ABCA13: variants seen among roughly 807,000 people sequenced by gnomAD.
ABCA13 encodes the protein ATP binding cassette subfamily A member 13, also known as ATP-binding cassette sub-family A member 13.
A neutral mutation model predicts 478.7 loss-of-function variants in ABCA13; 476 were observed. That is an observed-to-expected ratio of 0.99 (90% CI 0.92 to 1.07). The LOEUF is 1.07. Among genes scored for constraint, ABCA13 ranks in the 50% least tolerant of loss-of-function variants. ABCA13 has a pLI of 0.00. For missense variants in ABCA13, 6,060 were observed against 5,910.6 expected (o/e 1.03, Z -0.83); for synonymous variants, 2,252 against 2,158.9 (o/e 1.04, Z -1.20).
intron 55 of ABCA13, among the ~76,000 whole-genome samples, chr7:48,541,453 G>T (rs1585748712): frequency 6.6e-6 from 1 of 152,046 alleles, no homozygotes; most frequent in Non-Finnish European, 1.5e-5. Context: ...ATTAAGTTAG[G>T]GGCTTTACAT....
Position 48,276,520 on chromosome 7 carries a change from C to T in ABCA13, c.6854C>T (p.Ser2285Phe), listed in dbSNP as rs750314582. 11 of 1,610,992 alleles carry T rather than the reference C, an allele frequency of 6.8e-6. 1 individual carries two copies. The South Asian group carries it at 1.1e-4, about 16-fold the overall frequency. The change falls in exon 17 of 62, where the codon TCT becomes TTT. Residue 2285 changes from serine to phenylalanine, a missense_variant. By Grantham distance (155) the Ser-to-Phe change is radical. Transcript: ENST00000435803. ...AAGGAAGATTCTGAGAACAAAATAT[C>T]TCTTCTGCTGAAATATTTCCACAAA... ...FLKEDSENKI[S>F]LLLKYFHKDV... is the part of the protein sequence containing the mutation.
intron 48 of ABCA13, among the ~76,000 whole-genome samples, chr7:48,504,068 C>A (rs1830988836): frequency 6.6e-6 from 1 of 151,918 alleles, no homozygotes; most frequent in African/African-American, 2.4e-5. Flanking sequence ...TAATTGAAAA[C>A]CAAGGAAATT....
Position 48,338,384 on chromosome 7 carries a change from T to G in ABCA13, c.10133T>G (p.Phe3378Cys). The G allele has an allele frequency of 1.3e-6, 2 of 1,598,896 alleles. No homozygotes were observed. The highest frequency in any genetic ancestry group is 1.7e-6 in the Non-Finnish European group (2 of 1,172,524). Residue 3378 changes from phenylalanine to cysteine, a missense_variant, in exon 29 of 62, where the codon TTT (phenylalanine) becomes TGT (cysteine). Physicochemically the swap from Phe to Cys is radical, Grantham distance 205. Coordinates refer to ENST00000435803, the MANE Select transcript of ABCA13 (RefSeq NM_152701.5). The stretch of plus-strand genomic sequence containing the variant: ...CTTTAGGAGGCCCTGAGAAACAAAT[T>G]TGTAAGAAACTTTGTAGAAAACCAG... ...NQLQEALRNK[F>C]VRNFVENQLH...
At chr7:48,434,491 G>A (rs115168545) in intron 42 of ABCA13, among the ~76,000 whole-genome samples, 2,610 of 151,544 alleles carry the variant, frequency 0.017, 85 homozygotes, top group African/African-American at 0.059. Context: ...AGTTTTTCTT[G>A]TACTAAAGTT....
intron 44 of ABCA13, among the ~76,000 whole-genome samples, chr7:48,467,339 A>G (rs1449210667): frequency 6.6e-6 from 1 of 152,200 alleles, no homozygotes; most frequent in African/African-American, 2.4e-5. Flanking sequence ...ATAAAACCCA[A>G]AGCTGAAAAG....
chr7:48,509,464 C>T (rs1293917317), intron 50 of ABCA13, among the ~76,000 whole-genome samples: 1 of 152,172 alleles, frequency 6.6e-6, no homozygotes, highest in African/African-American at 2.4e-5. Flanking sequence ...TTCTAGGACA[C>T]CATGGGGCTT....
chr7:48,454,820 C>G (rs78361797), intron 42 of ABCA13, among the ~76,000 whole-genome samples: 2 of 152,196 alleles, frequency 1.3e-5, no homozygotes, highest in Non-Finnish European at 2.9e-5. Context: ...CGCGTTGCCA[C>G]GAGGCTTCCT....
Position 48,274,497 on chromosome 7 carries a change from G to A in ABCA13, c.4831G>A (p.Asp1611Asn), listed in dbSNP as rs1390447628. Residue 1611 changes from aspartate (D) to asparagine (N), a missense_variant, in exon 17 of 62, where the codon GAC (aspartate) becomes AAC (asparagine). Physicochemically the swap from Asp to Asn is conservative, Grantham distance 23. Around this residue, in one of 3 missense-constraint regions of ABCA13, gnomAD observed 4,423 missense variants for 4,309.1 expected, o/e 1.03. Transcript: ENST00000435803. ...ASYLAFSLSH[D>N]LQNSPKIIIS... is the part of the protein sequence containing the mutation. The stretch of plus-strand genomic sequence containing the variant: ...TTACCTTGCCTTCAGCTTATCTCAT[G>A]ACCTCCAAAATTCACCAAAAATAAT... The A allele has an allele frequency of 1.9e-6, 3 of 1,613,668 alleles. No individual in the cohort carries two copies. The highest frequency in any genetic ancestry group is 2.5e-6 in the Non-Finnish European group (3 of 1,179,834).
In ABCA13 at chr7:48,269,050, AT is replaced by A. The variant is rs1301350280; in HGVS notation, c.2081del (p.Leu694Ter). 1 of 1,601,654 alleles carries A rather than the reference AT, an allele frequency of 6.2e-7. No homozygotes were observed. Among genetic ancestry groups the A allele is most frequent in the Admixed American group, 1.7e-5 (1 of 59,850 alleles). ...AAATGATCAGTGATAATTATTTTCAATTTTTGAATAACTTACTCAAGTCTCC... is the reference window on the plus strand; with the variant it reads ...AAATGATCAGTGATAATTATTTTCAATTTTGAATAACTTACTCAAGTCTCC... Reference protein sequence around the residue: ...WKMISDNYFQFLNNLLKSPTA... With the variant: ...WKMISDNYFQXLNNLLKSPTA... On this transcript the variant is annotated frameshift_variant, in exon 16 of 62. Transcript: ENST00000435803. LOFTEE classifies it high-confidence loss of function.
At chr7:48,635,503 G>A (rs1162029171) in intron 59 of ABCA13, among the ~76,000 whole-genome samples, 2 of 152,150 alleles carry the variant, frequency 1.3e-5, no homozygotes, top group African/African-American at 4.8e-5. Flanking sequence ...AAGAACAAGG[G>A]GGACCCCAAT....
chr7:48,498,635 G>T (rs1830477093), intron 48 of ABCA13, among the ~76,000 whole-genome samples: 1 of 152,088 alleles, frequency 6.6e-6, no homozygotes, highest in Non-Finnish European at 1.5e-5. Flanking sequence ...ATGGAATATG[G>T]AAAGAAAAGG....
At chr7:48,592,685 C>T (rs1205988960) in intron 57 of ABCA13, among the ~76,000 whole-genome samples, 2 of 151,854 alleles carry the variant, frequency 1.3e-5, no homozygotes, top group African/African-American at 4.8e-5. Context: ...TTGAACTCCC[C>T]TATTATTATT....
intron 29 of ABCA13, among the ~76,000 whole-genome samples, chr7:48,344,538 T>C (rs777184671): frequency 1.3e-5 from 2 of 152,228 alleles, no homozygotes; most frequent in African/African-American, 2.4e-5. Context: ...TTTTATACTA[T>C]GTTGTTTTAT....
intron 15 of ABCA13, among the ~76,000 whole-genome samples, chr7:48,257,239 T>C (rs1302391908): frequency 1.3e-5 from 2 of 152,120 alleles, no homozygotes; most frequent in Non-Finnish European, 2.9e-5. Flanking sequence ...CAAACAAGGA[T>C]AAAACTATCC....
chr7:48,352,083 C>T (rs1355972616), intron 30 of ABCA13, 98 bp from the exon 31 acceptor site: 96 of 1,245,712 alleles, frequency 7.7e-5, no homozygotes, highest in Non-Finnish European at 4.0e-5. Flanking sequence ...CTGTGAGTCT[C>T]AGGCTCCTGC....
At chr7:48,462,626 A>G (rs1267676903) in intron 43 of ABCA13, among the ~76,000 whole-genome samples, 1 of 151,992 alleles carries the variant, frequency 6.6e-6, no homozygotes, top group Non-Finnish European at 1.5e-5. Context: ...CTCCTGCCTC[A>G]GCCTCCCGAG....
At chr7:48,401,337 A>G (rs1817572779) in intron 38 of ABCA13, among the ~76,000 whole-genome samples, 1 of 152,218 alleles carries the variant, frequency 6.6e-6, no homozygotes, top group Non-Finnish European at 1.5e-5. Context: ...GCGTTTATGA[A>G]ATGAATGAAT....
intron 38 of ABCA13, 145 bp downstream of exon 38, chr7:48,392,284 T>A: frequency 1.3e-6 from 1 of 787,818 alleles, no homozygotes; most frequent in Non-Finnish European, 2.0e-6. Flanking sequence ...ACTATGGAAT[T>A]ATGACACAGC....
At position 48,198,125 on chromosome 7, in the gene ABCA13, C is replaced by T; in HGVS notation, c.164-112C>T. On this transcript the variant is annotated intron_variant, in intron 2 of 61. Coordinates refer to ENST00000435803, the MANE Select transcript of ABCA13 (RefSeq NM_152701.5). ...CCTTAGATCTCCTTTAAATTAATAGCAAGGTTAATAATATAATAATATGAT... is the reference window on the plus strand; with the variant it reads ...CCTTAGATCTCCTTTAAATTAATAGTAAGGTTAATAATATAATAATATGAT... 11 of 1,109,174 alleles carry T rather than the reference C, an allele frequency of 9.9e-6. No homozygotes were observed. In the South Asian group the frequency reaches 1.4e-4, roughly 14 times the overall value. 68.7% of individuals were successfully genotyped at this position (1,109,174 alleles called of 1,614,324 possible).
Sources: gnomAD v4.1 joint callset for allele counts (sites outside exome capture counted in the v4.1 genomes callset) on GRCh38, gnomAD v4.1.1 for gene constraint, gnomAD v4.1.1 regional missense constraint, MANE v1.5 for transcripts, NCBI Gene and HGNC (gene_info 2026-07-23, HGNC 2026-07-21) for gene names.